The following TRAM2 variants were observed in gnomAD, a reference collection of about 807,000 sequenced individuals.
TRAM2 encodes translocation associated membrane protein 2, also known as translocating chain-associated membrane protein 2.
Under a neutral mutation model 51.0 loss-of-function variants are expected in TRAM2, and 12 were observed. The observed-to-expected ratio is 0.24, with a 90% CI of 0.15 to 0.38. The LOEUF (loss-of-function observed/expected upper bound fraction) is 0.38. Ranked by LOEUF, TRAM2 falls within the 10% of genes least tolerant of loss-of-function variation. The probability of loss-of-function intolerance (pLI) is 1.00; values close to 1 mark genes in which losing one functional copy is unlikely to be tolerated. For missense variants in TRAM2, 361 were observed against 462.0 expected, an observed-to-expected ratio of 0.78 and a Z score of 2.00; for synonymous variants, 175 against 179.4, an observed-to-expected ratio of 0.98 and a Z score of 0.20.
At chr6:52,509,848 C>T (rs768504485) in intron 4 of TRAM2, among the ~76,000 whole-genome samples, 1 of 152,152 alleles carries the variant, frequency 6.6e-6, no homozygotes. Flanking sequence ...GTCTGACAAG[C>T]GAATTAGTCT....
chr6:52,546,836 A>G (rs1767210505), intron 1 of TRAM2, among the ~76,000 whole-genome samples: 1 of 152,198 alleles, frequency 6.6e-6, no homozygotes, highest in Non-Finnish European at 1.5e-5. Flanking sequence ...AGGGAGGACC[A>G]GTCAACTCAG....
At chr6:52,547,261 G>A (rs1178564374) in intron 1 of TRAM2, among the ~76,000 whole-genome samples, 6 of 152,076 alleles carry the variant, frequency 3.9e-5, no homozygotes, top group South Asian at 2.1e-4. Context: ...TAGAGAGGAT[G>A]ATCTCCTGGG....
At chr6:52,572,127 C>T (rs887850182) in intron 1 of TRAM2, among the ~76,000 whole-genome samples, 2 of 152,206 alleles carry the variant, frequency 1.3e-5, no homozygotes, top group African/African-American at 2.4e-5. Context: ...ATCATGGAGA[C>T]ATCTGTACAG....
rs1167390842 is a variant in TRAM2 at position 52,500,573 on chromosome 6, T to A, written c.*2624A>T. 4.7e-5 allele frequency: 7 copies of A among 149,762 alleles called. No homozygotes were observed. The highest frequency in any genetic ancestry group is 5.9e-5 in the Non-Finnish European group (4 of 67,730). 9.3% of individuals were successfully genotyped at this position (149,762 alleles called of 1,614,324 possible). ...ATAAAATAAACCCTTAGCACACCCG[T>A]CCACTGGGAAGCAGAGCCTAAGCTG... On this transcript the variant is annotated 3_prime_UTR_variant, in exon 11 of 11. Coordinates refer to ENST00000182527, the MANE Select transcript of TRAM2 (RefSeq NM_012288.4).
intron 1 of TRAM2, among the ~76,000 whole-genome samples, chr6:52,549,608 C>T (rs1767273817): frequency 6.6e-6 from 1 of 152,188 alleles, no homozygotes; most frequent in African/African-American, 2.4e-5. Flanking sequence ...GATACAGATA[C>T]TCAAAGACTA....
At chr6:52,569,204 G>A (rs142857570) in intron 1 of TRAM2, among the ~76,000 whole-genome samples, 8 of 152,138 alleles carry the variant, frequency 5.3e-5, no homozygotes, top group African/African-American at 1.4e-4. Flanking sequence ...AGACCAGCCT[G>A]GCCAAAATAG....
At chr6:52,536,043 C>T (rs1456417939) in intron 1 of TRAM2, among the ~76,000 whole-genome samples, 197 bp from the exon 2 acceptor site, 2 of 152,170 alleles carry the variant, frequency 1.3e-5, no homozygotes, top group African/African-American at 4.8e-5. Flanking sequence ...TACCCTGGGA[C>T]TCAGATGGTA....
rs1245773752 is a variant in TRAM2, at chr6:52,498,709, G to A, written c.*4488C>T. 6.5e-6 allele frequency: 1 copy of A among 152,806 alleles called. No individual in the cohort carries two copies. The highest frequency in any genetic ancestry group is 2.4e-5 in the African/African-American group (1 of 41,424). 9.5% of individuals were successfully genotyped at this position (152,806 alleles called of 1,614,324 possible). A position where few individuals can be genotyped will look rare whatever the true frequency, so the allele number is the denominator to read the frequency against. On this transcript the variant is annotated 3_prime_UTR_variant, in exon 11 of 11. Coordinates refer to ENST00000182527, the MANE Select transcript of TRAM2 (RefSeq NM_012288.4). Reference sequence around the variant, plus strand: ...CAAAAACAAAACAGAACACACCACAGACCCTAATCCTGGGCAGCGGGGTTA... The same window carrying A: ...CAAAAACAAAACAGAACACACCACAAACCCTAATCCTGGGCAGCGGGGTTA...
chr6:52,553,462 G>A (rs1263492090), intron 1 of TRAM2, among the ~76,000 whole-genome samples: 1 of 152,168 alleles, frequency 6.6e-6, no homozygotes, highest in African/African-American at 2.4e-5. Context: ...TTCTCTGAAT[G>A]TCCTTTCTTG....
At chr6:52,526,156 C>G (rs9370130) in intron 2 of TRAM2, among the ~76,000 whole-genome samples, 49 of 816 alleles carry the variant, frequency 0.06, 3 homozygotes, top group Middle Eastern at 0.5. Context: ...CAGACAGACA[C>G]ACACACACAC....
intron 1 of TRAM2, among the ~76,000 whole-genome samples, chr6:52,552,023 C>G (rs149750919): frequency 6.6e-6 from 1 of 152,274 alleles, no homozygotes; most frequent in Non-Finnish European, 1.5e-5. Flanking sequence ...TCAGACAACA[C>G]GGACACTTGA....
intron 1 of TRAM2, among the ~76,000 whole-genome samples, chr6:52,537,342 C>A (rs781630889): frequency 6.6e-6 from 1 of 152,196 alleles, no homozygotes; most frequent in African/African-American, 2.4e-5. Flanking sequence ...TCAGTGTTCT[C>A]GACCTACCTT....
At chr6:52,532,259 CT>C (rs1446437352) in intron 2 of TRAM2, among the ~76,000 whole-genome samples, 1 of 152,148 alleles carries the variant, frequency 6.6e-6, no homozygotes, top group Admixed American at 6.5e-5. Flanking sequence ...TGCACTTCAA[CT>C]TTTTTGGTCT....
intron 2 of TRAM2, chr6:52,523,670 C>T (rs568475812): frequency 8.5e-5 from 13 of 152,364 alleles, no homozygotes; most frequent in South Asian, 2.1e-4. Context: ...AGATTACAAA[C>T]GCATCAATCC....
chr6:52,556,561 C>T (rs893028226), intron 1 of TRAM2, among the ~76,000 whole-genome samples: 3 of 148,134 alleles, frequency 2.0e-5, no homozygotes, highest in Non-Finnish European at 4.5e-5. Context: ...GGATTACAGG[C>T]ATAAGTCACT....
chr6:52,572,637 C>T (rs569984653), intron 1 of TRAM2, among the ~76,000 whole-genome samples: 12 of 152,302 alleles, frequency 7.9e-5, no homozygotes, highest in African/African-American at 2.9e-4. Flanking sequence ...ATTATGTGTG[C>T]CATTTGCACA....
intron 2 of TRAM2, among the ~76,000 whole-genome samples, 191 bp downstream of exon 2, chr6:52,535,592 A>G (rs899518263): frequency 2.6e-5 from 4 of 152,208 alleles, no homozygotes; most frequent in African/African-American, 9.6e-5. Flanking sequence ...GAGGCAGGAG[A>G]ACTGCTTGAA....
At chr6:52,531,507 G>C (rs553909644) in intron 2 of TRAM2, among the ~76,000 whole-genome samples, 2 of 152,230 alleles carry the variant, frequency 1.3e-5, no homozygotes, top group Non-Finnish European at 1.5e-5. Context: ...ACCCAGGCCT[G>C]TTCTGGGCCT....
intron 1 of TRAM2, among the ~76,000 whole-genome samples, chr6:52,552,011 G>T (rs1005099498): frequency 1.3e-5 from 2 of 152,282 alleles, no homozygotes; most frequent in African/African-American, 4.8e-5. Flanking sequence ...GGCTCAGCGT[G>T]ATCAGACAAC....
Sources: allele counts gnomAD v4.1 joint callset (sites outside exome capture counted in the v4.1 genomes callset), GRCh38; gene constraint gnomAD v4.1.1; transcripts MANE v1.5; gene names NCBI Gene and HGNC (gene_info 2026-07-23, HGNC 2026-07-21).